NEB: variants seen among roughly 807,000 people sequenced by gnomAD.
NEB encodes nemaline myopathy type 2.
A neutral mutation model predicts 952.2 loss-of-function variants in NEB; 512 were observed. The ratio of observed to expected loss-of-function variants is 0.54; its 90% CI spans 0.50 to 0.58. NEB has a LOEUF of 0.58. NEB is among the 20% of genes least tolerant of loss of function. The pLI is 0.00. For missense variants in NEB, 8,428 were observed against 9,231.1 expected (o/e 0.91, Z 3.56); for synonymous variants, 2,900 against 3,149.8 (o/e 0.92, Z 2.66).
At chr2:151,640,919 G>T (rs1470610742) in intron 60 of NEB, among the ~76,000 whole-genome samples, 1 of 151,872 alleles carries the variant, frequency 6.6e-6, no homozygotes, top group East Asian at 1.9e-4. Flanking sequence ...CATTCTGTTA[G>T]AATTTAGAAT....
intron 34 of NEB, among the ~76,000 whole-genome samples, chr2:151,677,117 A>G (rs1393728630): frequency 6.6e-6 from 1 of 152,242 alleles, no homozygotes; most frequent in East Asian, 1.9e-4. Context: ...CTTAGGAGCA[A>G]AAACATATAT....
Position 151,627,715 on chromosome 2 carries a change from C to T in NEB, c.9951G>A (p.Glu3317=), listed in dbSNP as rs766595801. Residue 3317 remains glutamate (E), a synonymous_variant, in exon 69 of 182, where the codon GAG becomes GAA. Transcript: ENST00000397345. ...MHVAKIQSDR[E]YKKDFEKWKT... is the part of the protein sequence containing the mutation. Reference sequence around the variant, plus strand: ...TCCACTTCTCAAAGTCCTTCTTATACTCCCTGTCACTCTGGATCTTGGCCA... The same window carrying T: ...TCCACTTCTCAAAGTCCTTCTTATATTCCCTGTCACTCTGGATCTTGGCCA... 6.2e-7 allele frequency: 1 copy of T among 1,613,966 alleles called. No homozygotes were observed. Among genetic ancestry groups the T allele is most frequent in the Non-Finnish European group, 8.5e-7 (1 of 1,179,884 alleles).
In NEB at chr2:151,694,580, A is replaced by G. The variant is rs1157461658; in HGVS notation, c.1724T>C (p.Ile575Thr). 1.2e-6 allele frequency: 2 copies of G among 1,607,734 alleles called. No individual in the cohort carries two copies. Among genetic ancestry groups the G allele is most frequent in the Non-Finnish European group, 1.7e-6 (2 of 1,176,412 alleles). Residue 575 changes from isoleucine (I) to threonine (T), a missense_variant, in exon 19 of 182, where the codon ATT becomes ACT. By Grantham distance (89) the Ile-to-Thr change is moderately conservative. Transcript: ENST00000397345. ...CAGCAGGGGAATGGCATCCACTTTAATGTCAAACTTTTTGGCTTTGCTCTT... is the reference window on the plus strand; with the variant it reads ...CAGCAGGGGAATGGCATCCACTTTAGTGTCAAACTTTTTGGCTTTGCTCTT... ...WEKSKAKKFD[I>T]KVDAIPLLAA...
intron 5 of NEB, among the ~76,000 whole-genome samples, chr2:151,726,615 G>T (rs1175053562): frequency 6.6e-6 from 1 of 152,134 alleles, no homozygotes; most frequent in Non-Finnish European, 1.5e-5. Flanking sequence ...GAATCTGTCT[G>T]AATCAGTCAG....
intron 9 of NEB, among the ~76,000 whole-genome samples, chr2:151,717,978 C>T (rs999962106): frequency 6.6e-6 from 1 of 151,954 alleles, no homozygotes; most frequent in African/African-American, 2.4e-5. Context: ...CTCAGCCTCC[C>T]GAGCAGCTGG....
chr2:151,611,947 G>A (rs530755893), intron 78 of NEB, among the ~76,000 whole-genome samples: 30 of 152,302 alleles, frequency 2.0e-4, no homozygotes, highest in South Asian at 8.3e-4. Context: ...TCAGAAGGGT[G>A]AGTGCATCAC....
intron 10 of NEB, among the ~76,000 whole-genome samples, chr2:151,713,492 G>T (rs1165496316): frequency 6.6e-6 from 1 of 152,064 alleles, no homozygotes; most frequent in Non-Finnish European, 1.5e-5. Context: ...GCCTGGGCCT[G>T]GTATCCTCAT....
At chr2:151,631,754 T>A (rs984241369) in intron 65 of NEB, among the ~76,000 whole-genome samples, 1 of 152,184 alleles carries the variant, frequency 6.6e-6, no homozygotes, top group African/African-American at 2.4e-5. Flanking sequence ...GCTTCACTGT[T>A]GAAGAATATT....
In NEB at chr2:151,678,175, T is replaced by C; in HGVS notation, c.3268A>G (p.Lys1090Glu). 1.2e-6 allele frequency: 2 copies of C among 1,604,522 alleles called. No individual in the cohort carries two copies. Among genetic ancestry groups the C allele is most frequent in the Non-Finnish European group, 1.7e-6 (2 of 1,174,658 alleles). ...TTCCCTTTAGCCTTTTCATAGTCTT[T>C]TTTGTACTGAACCTATTGTAAACAA... ...RQAASDVQYK[K>E]DYEKAKGKMV... The change falls in exon 33 of 182, where the codon AAA becomes GAA. Residue 1090 changes from lysine (K) to glutamate (E), a missense_variant. Lys to Glu is a moderately conservative substitution (Grantham distance 56). This residue lies in a region of NEB where 2,851 missense variants were observed against 2,791.5 expected (regional missense o/e 1.02). Transcript: ENST00000397345.
intron 24 of NEB, chr2:151,689,607 T>C (rs1047617522): frequency 2.0e-5 from 3 of 152,214 alleles, no homozygotes; most frequent in South Asian, 4.1e-4. Context: ...TGAGGCTGTT[T>C]AATTTTGGAG....
chr2:151,522,227 A>ATG (rs2082418790), intron 153 of NEB, among the ~76,000 whole-genome samples: 1 of 152,204 alleles, frequency 6.6e-6, no homozygotes, highest in Non-Finnish European at 1.5e-5. Context: ...TTGAATTGAG[A>ATG]TGTATACTGG....
At chr2:151,654,180 A>G in intron 51 of NEB, 81 bp from the exon 52 acceptor site, 1 of 765,534 alleles carries the variant, frequency 1.3e-6, no homozygotes, top group South Asian at 2.6e-5. Flanking sequence ...GTTTACCTAC[A>G]GAGTGAATAT....
chr2:151,660,896 G>A (rs540616698), intron 46 of NEB, among the ~76,000 whole-genome samples: 1 of 152,288 alleles, frequency 6.6e-6, no homozygotes, highest in Non-Finnish European at 1.5e-5. Flanking sequence ...GGCCGATTGA[G>A]TACTTGAAAT....
rs749274693 is a variant in NEB at position 151,650,593 on chromosome 2, A to T, written c.7208T>A (p.Val2403Asp). Reference protein sequence around the residue: ...DQNDVVQAKKVYELQSENLYK... With the variant: ...DQNDVVQAKKDYELQSENLYK... ...ACTGACCTCACTTTGCAGTTCATAA[A>T]CTTTCTTAGCTTGCACAACATCGTT... The change falls in exon 53 of 182, where the codon GTT (valine) becomes GAT (aspartate). Residue 2403 changes from valine to aspartate, a missense_variant. Physicochemically the swap from Val to Asp is radical, Grantham distance 152. Transcript: ENST00000397345. 6.3e-6 allele frequency: 10 copies of T among 1,578,020 alleles called. No homozygotes were observed. In the African/African-American group the frequency reaches 1.4e-4, roughly 21 times the overall value.
In NEB at chr2:151,498,009, T is replaced by C. The variant is rs968765345; in HGVS notation, c.24207+251A>G. 2.8e-6 allele frequency: 4 copies of C among 1,436,494 alleles called. No individual in the cohort carries two copies. In the Middle Eastern group the frequency reaches 7.3e-4, roughly 262 times the overall value. The allele number at this position is 1,436,494 out of a possible 1,614,324, so 89.0% of individuals were successfully genotyped here. On this transcript the variant is annotated intron_variant, in intron 170 of 181. Coordinates refer to ENST00000397345, the MANE Select transcript of NEB (RefSeq NM_001164508.2). ...CAATCACATGAGGATTTGAGACTGT[T>C]AGAACTCGGTGTTGTTATCCACACA...
At position 151,666,407 on chromosome 2, in the gene NEB, T is replaced by G. The variant is rs756852826; in HGVS notation, c.4720-6A>C. 1 of 1,609,426 alleles carries G rather than the reference T, an allele frequency of 6.2e-7. No individual in the cohort carries two copies. Among genetic ancestry groups the G allele is most frequent in the Admixed American group, 1.7e-5 (1 of 59,774 alleles). On this transcript the variant is annotated splice_region_variant and splice_polypyrimidine_tract_variant and intron_variant, in intron 40 of 181. Transcript: ENST00000397345. ...TAGGCCTCCTTATATTTGCACTATTTGAAAACAAAGGGCAAACAGAAGTTG... is the reference window on the plus strand; with the variant it reads ...TAGGCCTCCTTATATTTGCACTATTGGAAAACAAAGGGCAAACAGAAGTTG...
At position 151,709,764 on chromosome 2, in the gene NEB, C is replaced by T. The variant is rs1162553327; in HGVS notation, c.928-1G>A. Reference sequence around the variant, plus strand: ...TTTCAAAATCTTCCTGGTATTTCCTCTGTAAGACATCAGACAAGCTGAAGA... The same window carrying T: ...TTTCAAAATCTTCCTGGTATTTCCTTTGTAAGACATCAGACAAGCTGAAGA... On this transcript the variant is annotated splice_acceptor_variant, in intron 11 of 181. Coordinates refer to ENST00000397345, the MANE Select transcript of NEB (RefSeq NM_001164508.2). LOFTEE classifies it high-confidence loss of function. 1 of 1,583,670 alleles carries T rather than the reference C, an allele frequency of 6.3e-7. No homozygotes were observed. Among genetic ancestry groups the T allele is most frequent in the Non-Finnish European group, 8.6e-7 (1 of 1,161,160 alleles).
Position 151,672,435 on chromosome 2 carries a change from A to C in NEB, c.4233T>G (p.His1411Gln), listed in dbSNP as rs2099312487. Residue 1411 changes from histidine to glutamine, a missense_variant, in exon 37 of 182, where the codon CAT (histidine) becomes CAG (glutamine). Physicochemically the swap from His to Gln is conservative, Grantham distance 24. This residue lies in a region of NEB where 2,851 missense variants were observed against 2,791.5 expected (regional missense o/e 1.02). Transcript: ENST00000397345. ...TNVNYKQPLH[H>Q]YTYLPDAMSL... ...TCATGGCGTCAGGTAGGTATGTGTA[A>C]TGATGCAATGGCTGTTTGTAGTTGA... is the stretch of plus-strand genomic sequence containing the variant. 16 of 1,613,838 alleles carry C rather than the reference A, an allele frequency of 9.9e-6. No individual in the cohort carries two copies. The highest frequency in any genetic ancestry group is 1.4e-5 in the Non-Finnish European group (16 of 1,179,832).
At chr2:151,519,637 A>G in intron 154 of NEB, 21 bp downstream of exon 154, 1 of 1,534,714 alleles carries the variant, frequency 6.5e-7, no homozygotes, top group Non-Finnish European at 9.0e-7. Context: ...TATATATTTT[A>G]CCACAATTTT....
Sources: allele counts gnomAD v4.1 joint callset (sites outside exome capture counted in the v4.1 genomes callset), GRCh38; gene constraint gnomAD v4.1.1; regional missense constraint gnomAD v4.1.1; transcripts MANE v1.5; gene names NCBI Gene and HGNC (gene_info 2026-07-23, HGNC 2026-07-21).